The following ZBTB34 variants were observed in gnomAD, a reference collection of about 807,000 sequenced individuals.
ZBTB34 encodes zinc finger and BTB domain containing 34, also known as zinc finger and BTB domain-containing protein 34.
A neutral mutation model predicts 33.4 loss-of-function variants in ZBTB34; 1 was observed. That is an observed-to-expected ratio of 0.03 (90% CI 0.01 to 0.14). The LOEUF (loss-of-function observed/expected upper bound fraction) is 0.14, where lower values mean the gene tolerates loss of function less well. ZBTB34 is among the 10% of genes least tolerant of loss of function. The pLI, the probability that ZBTB34 is intolerant of heterozygous loss-of-function variation, is 1.00. For missense variants in ZBTB34, 406 were observed against 657.2 expected (o/e 0.62, Z 4.18); for synonymous variants, 283 against 253.5 (o/e 1.12, Z -1.11).
intron 1 of ZBTB34, among the ~76,000 whole-genome samples, chr9:126,875,903 G>A (rs1444262395): frequency 6.6e-6 from 1 of 151,968 alleles, no homozygotes; most frequent in African/African-American, 2.4e-5. Flanking sequence ...TTACCAAAGT[G>A]TGCTCCAGGG....
intron 1 of ZBTB34, among the ~76,000 whole-genome samples, chr9:126,866,218 TTC>T (rs1046500386): frequency 3.3e-5 from 5 of 152,078 alleles, no homozygotes; most frequent in Admixed American, 2.0e-4. Flanking sequence ...GGTCTAATAT[TTC>T]TCTCTAGCTC....
In ZBTB34 at chr9:126,880,719, C is replaced by T. The variant is rs1215790147; in HGVS notation, c.1320C>T (p.Cys440=). ...TCCGCTGTGAGATCTGCGGGAAGTGCTTTCCATTCCAAGGTACCCTCAACC... is the reference window on the plus strand; with the variant it reads ...TCCGCTGTGAGATCTGCGGGAAGTGTTTTCCATTCCAAGGTACCCTCAACC... Residue 440 remains cysteine, a synonymous_variant, in exon 2 of 2, where the codon TGC becomes TGT. Transcript: ENST00000319119. The surrounding 1 kb of genome is among the most constrained non-coding windows in gnomAD (Gnocchi z 6.7). The T allele has an allele frequency of 6.2e-7, 1 of 1,613,666 alleles. No homozygotes were observed. The highest frequency in any genetic ancestry group is 1.7e-5 in the Admixed American group (1 of 59,990).
rs755027713 is a variant in ZBTB34, at chr9:126,880,029, G to A, written c.630G>A (p.Gly210=). ...GGCACTCAGACCGCGGGAGCAGTGG[G>A]AGCGTTTCTGAATATGAGATTCAGA... Residue 210 remains glycine, a synonymous_variant, in exon 2 of 2, where the codon GGG becomes GGA. Coordinates refer to ENST00000319119, the Ensembl canonical transcript of ZBTB34. This position sits in a 1 kb window ranked among gnomAD's most constrained non-coding sequence, Gnocchi z 6.7. 3 of 1,613,700 alleles carry A rather than the reference G, an allele frequency of 1.9e-6. No individual in the cohort carries two copies. Among genetic ancestry groups the A allele is most frequent in the East Asian group, 2.2e-5 (1 of 44,882 alleles).
At chr9:126,883,224 T>A (rs1474069740) in exon 2 of ZBTB34, 1 of 166,762 alleles carries the variant, frequency 6.0e-6, no homozygotes, top group Non-Finnish European at 1.5e-5. Context: ...ATGCAAAAAA[T>A]TTGTGTTGTG....
In ZBTB34 at chr9:126,871,180, GGGGTGTGTGTGTGTGTGTGTGTGT is replaced by G. The variant is rs766683371; in HGVS notation, c.-10-8208_-10-8185del. ...TAAGAAAGCCAAGATGTAAGTGAGGGGGGTGTGTGTGTGTGTGTGTGTGTGTGTGTGTGTGGAGTGGGGGTGACA... is the reference window on the plus strand; with the variant it reads ...TAAGAAAGCCAAGATGTAAGTGAGGGGTGTGTGTGTGGAGTGGGGGTGACA... On this transcript the variant is annotated intron_variant, in intron 1 of 1. Coordinates refer to ENST00000319119, the Ensembl canonical transcript of ZBTB34. Among the ~76,000 whole-genome samples, 956 of 69,094 alleles carry G rather than the reference GGGGTGTGTGTGTGTGTGTGTGTGT, an allele frequency of 0.014. 39 individuals are homozygous for G. In the East Asian group the frequency reaches 0.21, roughly 15 times the overall value. 45.3% of individuals were successfully genotyped at this position (69,094 alleles called of 152,430 possible). A position where few individuals can be genotyped will look rare whatever the true frequency, so the allele number is the denominator to read the frequency against.
chr9:126,866,050 C>T (rs1445466953), intron 1 of ZBTB34, among the ~76,000 whole-genome samples: 1 of 152,092 alleles, frequency 6.6e-6, no homozygotes, highest in African/African-American at 2.4e-5. Flanking sequence ...AGGATGTTAC[C>T]CCCTTCATCA....
chr9:126,873,602 T>A (rs999026580), intron 1 of ZBTB34, among the ~76,000 whole-genome samples: 2 of 151,746 alleles, frequency 1.3e-5, no homozygotes, highest in African/African-American at 4.8e-5. Flanking sequence ...TTGTTAAGCA[T>A]TTTTTTTCTT....
At chr9:126,884,484 G>GT (rs916271262) in exon 2 of ZBTB34, 534 of 156,238 alleles carry the variant, frequency 3.4e-3, no homozygotes, top group East Asian at 1.4e-3. Flanking sequence ...TTTTAGTTTA[G>GT]TTTTTTTTTT....
intron 1 of ZBTB34, among the ~76,000 whole-genome samples, chr9:126,872,439 C>T (rs905562879): frequency 1.3e-5 from 2 of 152,144 alleles, no homozygotes; most frequent in Non-Finnish European, 2.9e-5. Context: ...CAAAATTGAT[C>T]TAACTTAGGT....
intron 1 of ZBTB34, among the ~76,000 whole-genome samples, chr9:126,875,954 G>C (rs772948795): frequency 2.0e-5 from 3 of 151,834 alleles, no homozygotes; most frequent in African/African-American, 7.3e-5. Context: ...TACCTTGAGA[G>C]AACAGTTCCA....
At chr9:126,860,868 C>A (rs1401914592) in intron 1 of ZBTB34, 129 bp downstream of exon 1, 1 of 148,212 alleles carries the variant, frequency 6.7e-6, no homozygotes, top group Non-Finnish European at 1.5e-5. Flanking sequence ...GCGGGAGCCT[C>A]CGCGCCTGGT....
exon 2 of ZBTB34, chr9:126,884,526 G>A (rs897053803): frequency 1.8e-5 from 3 of 166,882 alleles, no homozygotes; most frequent in South Asian, 4.2e-4. Context: ...TCGGTTCACT[G>A]TTGAGCAGAA....
At chr9:126,864,846 C>T (rs1473321602) in intron 1 of ZBTB34, among the ~76,000 whole-genome samples, 1 of 152,122 alleles carries the variant, frequency 6.6e-6, no homozygotes, top group African/African-American at 2.4e-5. Flanking sequence ...TGCCTTTTGT[C>T]TGCGGTGCTT....
chr9:126,880,599 A>T lies in ZBTB34; in HGVS notation c.1200A>T (p.Gly400=). The T allele has an allele frequency of 6.2e-7, 1 of 1,613,886 alleles. No homozygotes were observed. The highest frequency in any genetic ancestry group is 8.5e-7 in the Non-Finnish European group (1 of 1,179,888). Residue 400 remains glycine (G), a synonymous_variant, in exon 2 of 2, where the codon GGA becomes GGT. Transcript: ENST00000319119. This position sits in a 1 kb window ranked among gnomAD's most constrained non-coding sequence, Gnocchi z 6.7. ...ATAGGCACATGCGACTCCATATGGGAATCACCCCCTTTGTGTGCAAGTTCT... is the reference window on the plus strand; with the variant it reads ...ATAGGCACATGCGACTCCATATGGGTATCACCCCCTTTGTGTGCAAGTTCT...
exon 2 of ZBTB34, chr9:126,882,530 G>A (rs549191769): frequency 6.0e-6 from 1 of 167,208 alleles, no homozygotes; most frequent in South Asian, 2.1e-4. Context: ...AACTCTGGCA[G>A]AGAGTAATTT....
exon 2 of ZBTB34, chr9:126,884,968 T>G (rs2033500794): frequency 6.0e-6 from 1 of 167,038 alleles, no homozygotes; most frequent in Admixed American, 6.5e-5. Flanking sequence ...TCTAGACTGG[T>G]CAGGGTTATT....
At chr9:126,860,886 G>A (rs1415196482) in intron 1 of ZBTB34, 147 bp downstream of exon 1, 1 of 149,002 alleles carries the variant, frequency 6.7e-6, no homozygotes, top group African/African-American at 2.4e-5. Flanking sequence ...GGTCAGTCCC[G>A]CGGGCAGGCG....
chr9:126,875,748 A>G (rs1467548529), intron 1 of ZBTB34, among the ~76,000 whole-genome samples: 2 of 152,130 alleles, frequency 1.3e-5, no homozygotes, highest in East Asian at 3.8e-4. Flanking sequence ...TCTGCATGTA[A>G]TAGTAATTTT....
intron 1 of ZBTB34, among the ~76,000 whole-genome samples, chr9:126,874,425 G>A (rs548657085): frequency 1.3e-5 from 2 of 151,974 alleles, no homozygotes; most frequent in Non-Finnish European, 2.9e-5. Context: ...TTGCTGAAAA[G>A]TATTTTTTAG....
Sources: gnomAD v4.1 joint callset for allele counts (sites outside exome capture counted in the v4.1 genomes callset) on GRCh38, gnomAD v4.1.1 for gene constraint, Gnocchi (gnomAD v3.1) non-coding constraint, MANE v1.5 for transcripts, NCBI Gene and HGNC (gene_info 2026-07-23, HGNC 2026-07-21) for gene names.